VAT1L: variants seen among roughly 807,000 people sequenced by gnomAD.
VAT1L encodes putative NADPH-dependent quinone oxidoreductase VAT1L.
In VAT1L, 34 loss-of-function variants were observed where a neutral mutation model predicts 44.1. The ratio of observed to expected loss-of-function variants is 0.77; its 90% CI spans 0.59 to 1.03. The LOEUF (loss-of-function observed/expected upper bound fraction) is 1.03. Ranked by LOEUF, VAT1L falls within the 50% of genes least tolerant of loss-of-function variation. The pLI is 0.00. For synonymous variants in VAT1L, 253 were observed against 202.2 expected (o/e 1.25, Z -2.13); for missense variants, 615 against 538.8 (o/e 1.14, Z -1.40).
intron 7 of VAT1L, among the ~76,000 whole-genome samples, chr16:77,915,657 T>G (rs1243230507): frequency 6.6e-6 from 1 of 152,188 alleles, no homozygotes; most frequent in Non-Finnish European, 1.5e-5. Context: ...GGCCCTGTTG[T>G]TGGTGTTCCA....
rs74987676 is a variant in VAT1L, at chr16:77,951,042, G to A, written c.1078-20808G>A. On this transcript the variant is annotated intron_variant, in intron 7 of 8. Coordinates refer to ENST00000302536, the MANE Select transcript of VAT1L (RefSeq NM_020927.3). ...TTGGAGAAAAGACACAGCAGCGCCCGCGGTCTTGGCAAAGAAAATATATTA... is the reference window on the plus strand; with the variant it reads ...TTGGAGAAAAGACACAGCAGCGCCCACGGTCTTGGCAAAGAAAATATATTA... 5.3e-3 allele frequency among the ~76,000 whole-genome samples: 806 copies of A among 152,292 alleles called. 11 individuals are homozygous for A. The highest frequency in any genetic ancestry group is 0.018 in the African/African-American group (732 of 41,558).
At chr16:77,805,865 C>CTTTCTTTTTTTTTTTTTTTTTTTTTTTTT (rs2016147307) in intron 1 of VAT1L, among the ~76,000 whole-genome samples, 4 of 78,838 alleles carry the variant, frequency 5.1e-5, no homozygotes, top group Non-Finnish European at 1.1e-4. Flanking sequence ...TAGTCTCTGC[C>CTTTCTTTTTTTTTTTTTTTTTTTTTTTTT]TTTTTTTTTT....
intron 4 of VAT1L, 80 bp downstream of exon 4, chr16:77,862,970 G>A (rs553211020): frequency 6.0e-6 from 9 of 1,498,000 alleles, no homozygotes; most frequent in Non-Finnish European, 8.1e-6. Context: ...TTTAAAAGAG[G>A]GATAATAATA....
chr16:77,886,136 C>T (rs1030740386), intron 7 of VAT1L, among the ~76,000 whole-genome samples: 1 of 152,206 alleles, frequency 6.6e-6, no homozygotes, highest in Non-Finnish European at 1.5e-5. Context: ...ATTGCAGATG[C>T]TCACCGTGAT....
At chr16:77,977,024 A>ACCTCC (rs1023169410) in intron 8 of VAT1L, among the ~76,000 whole-genome samples, 46 of 152,078 alleles carry the variant, frequency 3.0e-4, no homozygotes, top group African/African-American at 9.6e-4. Flanking sequence ...TACCCCTCAC[A>ACCTCC]CCTCCCCTTG....
chr16:77,908,892 C>T (rs562210836), intron 7 of VAT1L, among the ~76,000 whole-genome samples: 1 of 151,722 alleles, frequency 6.6e-6, no homozygotes, highest in East Asian at 1.9e-4. Context: ...CCAGCCTGGG[C>T]GACAGAGCAA....
At chr16:77,893,698 G>C (rs1380250677) in intron 7 of VAT1L, among the ~76,000 whole-genome samples, 2 of 152,172 alleles carry the variant, frequency 1.3e-5, no homozygotes, top group Non-Finnish European at 2.9e-5. Flanking sequence ...CATCACAATA[G>C]TATCCAGGTA....
intron 3 of VAT1L, among the ~76,000 whole-genome samples, chr16:77,838,097 T>C (rs2145256876): frequency 6.6e-6 from 1 of 152,306 alleles, no homozygotes; most frequent in East Asian, 1.9e-4. Context: ...AACATCGCTT[T>C]CCTTGACCAC....
intron 7 of VAT1L, among the ~76,000 whole-genome samples, chr16:77,971,322 T>C (rs2018275848): frequency 6.6e-6 from 1 of 152,204 alleles, no homozygotes; most frequent in African/African-American, 2.4e-5. Context: ...GAGAATATTA[T>C]AGTGTTGAGG....
At chr16:77,954,538 T>C (rs2018080689) in intron 7 of VAT1L, among the ~76,000 whole-genome samples, 1 of 152,110 alleles carries the variant, frequency 6.6e-6, no homozygotes, top group Admixed American at 6.5e-5. Context: ...GGCAGGAGAA[T>C]CGCTTGAACC....
rs1188975639 is a variant in VAT1L at position 77,825,352 on chromosome 16, A to T, written c.470A>T (p.Glu157Val). 1 of 1,614,028 alleles carries T rather than the reference A, an allele frequency of 6.2e-7. No homozygotes were observed. Among genetic ancestry groups the T allele is most frequent in the African/African-American group, 1.3e-5 (1 of 74,918 alleles). The change falls in exon 3 of 9, where the codon GAG (glutamate) becomes GTG (valine). Residue 157 changes from glutamate (E) to valine (V), a missense_variant. By Grantham distance (121) the Glu-to-Val change is moderately radical. Transcript: ENST00000302536. ...ATCCCGGATGACATGAGCTTCTCCG[A>T]GGCTGCTGCATTCCCCATGAACTTC... Reference protein sequence around the residue: ...YKIPDDMSFSEAAAFPMNFVT... With the variant: ...YKIPDDMSFSVAAAFPMNFVT...
chr16:77,945,023 A>G (rs2017942361), intron 7 of VAT1L, among the ~76,000 whole-genome samples: 1 of 152,200 alleles, frequency 6.6e-6, no homozygotes, highest in African/African-American at 2.4e-5. Context: ...TGATGAGGCT[A>G]ATTATAGACT....
intron 7 of VAT1L, among the ~76,000 whole-genome samples, chr16:77,923,790 GAAAACAAAAC>G (rs776102016): frequency 3.3e-5 from 5 of 152,042 alleles, no homozygotes; most frequent in Non-Finnish European, 5.9e-5. Flanking sequence ...GGGGAGAGAG[GAAAACAAAAC>G]AAAACAAAAC....
At chr16:77,900,514 G>C (rs1648878392) in intron 7 of VAT1L, among the ~76,000 whole-genome samples, 1 of 151,850 alleles carries the variant, frequency 6.6e-6, no homozygotes, top group African/African-American at 2.4e-5. Flanking sequence ...GGGCAACATG[G>C]TGAAACCCCA....
intron 1 of VAT1L, among the ~76,000 whole-genome samples, chr16:77,810,552 C>G (rs28441554): frequency 0.017 from 2,567 of 152,218 alleles, 76 homozygotes; most frequent in African/African-American, 0.057. Context: ...TCCCACACTT[C>G]CCAGCACTTT....
chr16:77,911,697 G>A (rs940714784), intron 7 of VAT1L, among the ~76,000 whole-genome samples: 20 of 152,126 alleles, frequency 1.3e-4, no homozygotes, highest in Admixed American at 7.2e-4. Context: ...GAGCTTGCAC[G>A]TGCAGACTCT....
chr16:77,928,224 C>G (rs1485374813), intron 7 of VAT1L, among the ~76,000 whole-genome samples: 4 of 152,094 alleles, frequency 2.6e-5, no homozygotes, highest in Admixed American at 2.6e-4. Context: ...CTGAGAAGTC[C>G]CAGGGAAGCC....
chr16:77,794,973 T>C (rs1267506481), intron 1 of VAT1L, among the ~76,000 whole-genome samples: 2 of 152,220 alleles, frequency 1.3e-5, no homozygotes, highest in Non-Finnish European at 2.9e-5. Flanking sequence ...TTCTTGCTTT[T>C]CTGGCGATTT....
intron 4 of VAT1L, among the ~76,000 whole-genome samples, 172 bp from the exon 5 acceptor site, chr16:77,876,198 G>T (rs530789593): frequency 3.3e-5 from 5 of 152,130 alleles, no homozygotes; most frequent in African/African-American, 1.2e-4. Flanking sequence ...TTTATCACTG[G>T]ATCTGGGAAG....
Sources: allele counts gnomAD v4.1 joint callset (sites outside exome capture counted in the v4.1 genomes callset), GRCh38; gene constraint gnomAD v4.1.1; transcripts MANE v1.5; gene names NCBI Gene and HGNC (gene_info 2026-07-23, HGNC 2026-07-21).